The following GPM6A variants were observed in gnomAD, a reference collection of about 807,000 sequenced individuals.
GPM6A encodes glycoprotein M6A, also known as neuronal membrane glycoprotein M6-a.
Under a neutral mutation model 32.1 loss-of-function variants are expected in GPM6A, and 7 were observed. That is an observed-to-expected ratio of 0.22 (90% CI 0.12 to 0.41). The LOEUF is 0.41. Among genes scored for constraint, GPM6A ranks in the 10% least tolerant of loss-of-function variants. GPM6A has a pLI of 1.00. For missense variants in GPM6A, 235 were observed against 347.2 expected (o/e 0.68, Z 2.57); for synonymous variants, 130 against 123.4 (o/e 1.05, Z -0.35).
At chr4:175,867,272 C>T (rs1392379045) in intron 1 of GPM6A, among the ~76,000 whole-genome samples, 1 of 152,100 alleles carries the variant, frequency 6.6e-6, no homozygotes, top group African/African-American at 2.4e-5. Flanking sequence ...CCCAGTTTAT[C>T]GTTTGTTTCT....
At chr4:175,892,200 ACAGT>A (rs1737669618) in intron 1 of GPM6A, among the ~76,000 whole-genome samples, 1 of 152,240 alleles carries the variant, frequency 6.6e-6, no homozygotes, top group South Asian at 2.1e-4. Flanking sequence ...AGATAATATC[ACAGT>A]CATTTATTAT....
At chr4:175,822,918 T>C (rs1202063227) in intron 1 of GPM6A, among the ~76,000 whole-genome samples, 1 of 152,192 alleles carries the variant, frequency 6.6e-6, no homozygotes, top group African/African-American at 2.4e-5. Context: ...TGATACTTTT[T>C]ATATAGGTAC....
At chr4:175,931,671 T>TACACAC (rs376901123) in intron 1 of GPM6A, among the ~76,000 whole-genome samples, 19 of 136,588 alleles carry the variant, frequency 1.4e-4, no homozygotes, top group African/African-American at 5.5e-4. Context: ...TTAAAAAATA[T>TACACAC]ACACACACAC....
At chr4:175,895,383 T>A (rs915932998) in intron 1 of GPM6A, among the ~76,000 whole-genome samples, 62 of 152,154 alleles carry the variant, frequency 4.1e-4, no homozygotes, top group Non-Finnish European at 7.4e-5. Flanking sequence ...ATATAAACAA[T>A]GCATCCTATC....
intron 1 of GPM6A, among the ~76,000 whole-genome samples, chr4:175,959,743 T>A (rs531034096): frequency 9.9e-4 from 151 of 152,282 alleles, no homozygotes; most frequent in African/African-American, 3.4e-3. Flanking sequence ...ATGAAATTAG[T>A]AGAGTGAAAG....
At chr4:175,766,701 C>T (rs1024023735) in intron 1 of GPM6A, among the ~76,000 whole-genome samples, 2 of 144,734 alleles carry the variant, frequency 1.4e-5, no homozygotes, top group Non-Finnish European at 3.0e-5. Flanking sequence ...GTCACCCAGG[C>T]TGGAGTGCAG....
At chr4:175,989,918 C>T (rs1741085904) in intron 1 of GPM6A, among the ~76,000 whole-genome samples, 2 of 152,118 alleles carry the variant, frequency 1.3e-5, no homozygotes, top group Non-Finnish European at 1.5e-5. Context: ...CAACGAAGGC[C>T]ATGTGGCATA....
At chr4:175,680,482 A>G (rs990201761) in intron 2 of GPM6A, among the ~76,000 whole-genome samples, 3 of 152,164 alleles carry the variant, frequency 2.0e-5, no homozygotes, top group African/African-American at 4.8e-5. Context: ...CTGAGACTAT[A>G]TAGTCAATAT....
chr4:175,947,978 CT>C (rs529827084), intron 1 of GPM6A, among the ~76,000 whole-genome samples: 6 of 152,246 alleles, frequency 3.9e-5, no homozygotes, highest in Non-Finnish European at 2.9e-5. Context: ...CAAAGCCCTA[CT>C]TTTTTTCTAT....
chr4:175,781,448 C>T (rs978634589), intron 1 of GPM6A, among the ~76,000 whole-genome samples: 1 of 152,180 alleles, frequency 6.6e-6, no homozygotes, highest in Non-Finnish European at 1.5e-5. Flanking sequence ...TCCCTCTCAA[C>T]TTCAACCATG....
chr4:175,676,501 C>T (rs530117500), intron 2 of GPM6A, among the ~76,000 whole-genome samples: 3 of 152,208 alleles, frequency 2.0e-5, no homozygotes, highest in East Asian at 1.9e-4. Flanking sequence ...GCAATCCCAC[C>T]GCTTCGAGAG....
At chr4:175,861,749 G>GAAAA (rs10716525) in intron 1 of GPM6A, among the ~76,000 whole-genome samples, 7 of 87,226 alleles carry the variant, frequency 8.0e-5, no homozygotes, top group South Asian at 4.2e-4. Flanking sequence ...AAGAGACTCT[G>GAAAA]AAAAAAAAAA....
intron 2 of GPM6A, among the ~76,000 whole-genome samples, chr4:175,696,856 G>A (rs938983631): frequency 2.6e-5 from 4 of 152,048 alleles, no homozygotes; most frequent in South Asian, 2.1e-4. Context: ...AGGAGTAAAC[G>A]TAAACTACAA....
intron 3 of GPM6A, chr4:175,654,222 C>T (rs1485173437): frequency 6.6e-6 from 1 of 152,198 alleles, no homozygotes; most frequent in African/African-American, 2.4e-5. Flanking sequence ...ATACCACTTA[C>T]TGTGATCCTA....
intron 1 of GPM6A, among the ~76,000 whole-genome samples, chr4:175,796,633 C>G (rs1207526738): frequency 6.6e-6 from 1 of 152,176 alleles, no homozygotes; most frequent in Admixed American, 6.5e-5. Context: ...ATACAAACCA[C>G]TCACCCTATT....
chr4:175,637,922 A>T (rs1291569694), intron 6 of GPM6A, among the ~76,000 whole-genome samples: 1 of 135,036 alleles, frequency 7.4e-6, no homozygotes, highest in Admixed American at 8.8e-5. Flanking sequence ...TGAATGAAAT[A>T]CTGAAACTCA....
intron 1 of GPM6A, among the ~76,000 whole-genome samples, chr4:175,831,907 C>T (rs914027684): frequency 6.6e-5 from 10 of 151,584 alleles, no homozygotes; most frequent in Admixed American, 2.6e-4. Flanking sequence ...TTAGTAGAGA[C>T]GGGATTTCAC....
intron 1 of GPM6A, among the ~76,000 whole-genome samples, chr4:175,756,017 G>C (rs1205817318): frequency 6.6e-6 from 1 of 152,166 alleles, no homozygotes; most frequent in African/African-American, 2.4e-5. Context: ...CAGTAGGTAA[G>C]AAAGAAGAGG....
At chr4:175,638,081 T>C (rs1202192411) in intron 6 of GPM6A, among the ~76,000 whole-genome samples, 1 of 149,816 alleles carries the variant, frequency 6.7e-6, no homozygotes, top group Non-Finnish European at 1.5e-5. Flanking sequence ...CTAAGTCGAT[T>C]TACTTTGTCA....
Sources: allele counts gnomAD v4.1 joint callset (sites outside exome capture counted in the v4.1 genomes callset), GRCh38; gene constraint gnomAD v4.1.1; transcripts MANE v1.5; gene names NCBI Gene and HGNC (gene_info 2026-07-23, HGNC 2026-07-21).